MPP7: variants seen among roughly 807,000 people sequenced by gnomAD.
MPP7 encodes MAGUK p55 scaffold protein 7, also known as MAGUK p55 subfamily member 7.
Under a neutral mutation model 76.5 loss-of-function variants are expected in MPP7, and 60 were observed. The ratio of observed to expected loss-of-function variants is 0.78; its 90% CI spans 0.64 to 0.97. The LOEUF (loss-of-function observed/expected upper bound fraction) is 0.97, where lower values mean the gene tolerates loss of function less well. Among genes scored for constraint, MPP7 ranks in the 50% least tolerant of loss-of-function variants. MPP7 has a pLI of 0.00. For missense variants in MPP7, 641 were observed against 694.0 expected, an observed-to-expected ratio of 0.92 and a Z score of 0.86; for synonymous variants, 237 against 244.5, an observed-to-expected ratio of 0.97 and a Z score of 0.29.
chr10:28,116,286 T>A (rs1341774756), intron 11 of MPP7, among the ~76,000 whole-genome samples: 1 of 152,180 alleles, frequency 6.6e-6, no homozygotes, highest in Non-Finnish European at 1.5e-5. Context: ...GAATTCCTAT[T>A]TCTTTCTTAA....
chr10:28,320,351 T>C (rs188415677), intron 2 of MPP7, among the ~76,000 whole-genome samples: 1 of 152,184 alleles, frequency 6.6e-6, no homozygotes, highest in Admixed American at 6.5e-5. Flanking sequence ...ATGACCTAGA[T>C]TGTCAGGCTG....
At chr10:28,172,453 C>T (rs756305340) in intron 3 of MPP7, among the ~76,000 whole-genome samples, 22 of 152,216 alleles carry the variant, frequency 1.4e-4, no homozygotes, top group Non-Finnish European at 2.9e-4. Context: ...CCTAAACATA[C>T]ATGTATTGTA....
chr10:28,310,642 T>C (rs916873867), intron 2 of MPP7, among the ~76,000 whole-genome samples: 5 of 152,196 alleles, frequency 3.3e-5, no homozygotes, highest in Non-Finnish European at 7.4e-5. Context: ...GAAGAGCCTT[T>C]TCAAATTATA....
intron 12 of MPP7, among the ~76,000 whole-genome samples, chr10:28,076,286 T>C (rs1044551165): frequency 3.9e-5 from 6 of 152,124 alleles, no homozygotes; most frequent in Non-Finnish European, 8.8e-5. Flanking sequence ...TGAGACTGCA[T>C]TGACAGGTGA....
chr10:28,140,436 G>A lies in MPP7; in HGVS notation c.315+7047C>T, dbSNP rs1490351320. 2.0e-5 allele frequency among the ~76,000 whole-genome samples: 3 copies of A among 152,020 alleles called. 1 individual carries two copies. The highest frequency in any genetic ancestry group is 3.9e-4 in the East Asian group (2 of 5,190). On this transcript the variant is annotated intron_variant, in intron 5 of 16. Coordinates refer to ENST00000683449, the MANE Select transcript of MPP7 (RefSeq NM_001318170.2). ...TGAGGCAGGAGAATTGCTTGAACCC[G>A]AGAGGCTGAGGTTGCAGGGAGCTGA...
At chr10:28,124,971 C>T (rs199848633) in intron 7 of MPP7, 39 bp downstream of exon 7, 14 of 1,540,620 alleles carry the variant, frequency 9.1e-6, no homozygotes, top group East Asian at 2.2e-5. Context: ...ACACGAAACA[C>T]GTGATTAGTC....
At chr10:28,285,634 T>C (rs1035819458) in intron 1 of MPP7, among the ~76,000 whole-genome samples, 1 of 152,202 alleles carries the variant, frequency 6.6e-6, no homozygotes, top group Non-Finnish European at 1.5e-5. Context: ...AGGCAATGGT[T>C]ATCAATGGTC....
intron 3 of MPP7, among the ~76,000 whole-genome samples, chr10:28,172,781 T>C (rs1299402392): frequency 6.6e-6 from 1 of 152,228 alleles, no homozygotes; most frequent in Non-Finnish European, 1.5e-5. Context: ...AAGCAATAAA[T>C]TAGTCTTATT....
chr10:28,117,021 G>A (rs528192527), intron 11 of MPP7, among the ~76,000 whole-genome samples: 2 of 152,168 alleles, frequency 1.3e-5, no homozygotes, highest in East Asian at 3.9e-4. Context: ...AGATTGGGAT[G>A]TGCCCTTCCT....
chr10:28,217,875 C>T (rs1838366003), intron 2 of MPP7, among the ~76,000 whole-genome samples: 1 of 152,156 alleles, frequency 6.6e-6, no homozygotes, highest in South Asian at 2.1e-4. Flanking sequence ...ACCAGCTGGA[C>T]TACATCAAAA....
chr10:28,077,751 C>T (rs1176339115), intron 12 of MPP7, among the ~76,000 whole-genome samples: 1 of 152,172 alleles, frequency 6.6e-6, no homozygotes, highest in Non-Finnish European at 1.5e-5. Flanking sequence ...TACACGGGCA[C>T]ATATAAGTAG....
intron 1 of MPP7, among the ~76,000 whole-genome samples, chr10:28,240,362 A>T (rs992317742): frequency 1.3e-5 from 2 of 152,162 alleles, no homozygotes; most frequent in African/African-American, 4.8e-5. Context: ...AAACTGTAAG[A>T]TTCTATTAAA....
At chr10:28,176,268 T>C (rs976216651) in intron 3 of MPP7, among the ~76,000 whole-genome samples, 5 of 151,614 alleles carry the variant, frequency 3.3e-5, no homozygotes, top group African/African-American at 1.2e-4. Flanking sequence ...GCAGGAAATG[T>C]GTAAAATAAG....
chr10:28,225,844 T>C (rs780597017), intron 2 of MPP7, among the ~76,000 whole-genome samples: 1 of 152,204 alleles, frequency 6.6e-6, no homozygotes, highest in Non-Finnish European at 1.5e-5. Context: ...ATGAATATTA[T>C]ATTTTTTAAA....
In MPP7 at chr10:28,120,575, GT is replaced by G. The variant is rs764401196; in HGVS notation, c.690+18del. ...ACTTCCCTCCCACGCACGAAGAAAT[GT>G]TTTTAAGCAATAATTACCTTGCCTT... On this transcript the variant is annotated intron_variant, in intron 9 of 16. Transcript: ENST00000683449. 1 of 1,609,950 alleles carries G rather than the reference GT, an allele frequency of 6.2e-7. No individual in the cohort carries two copies. Among genetic ancestry groups the G allele is most frequent in the Non-Finnish European group, 8.5e-7 (1 of 1,176,508 alleles).
chr10:28,230,977 A>G (rs1045815419), intron 2 of MPP7, among the ~76,000 whole-genome samples: 2 of 152,218 alleles, frequency 1.3e-5, no homozygotes, highest in East Asian at 1.9e-4. Context: ...GACTTAATCA[A>G]TAAGTTTGGC....
intron 11 of MPP7, among the ~76,000 whole-genome samples, chr10:28,113,071 A>T (rs992980195): frequency 9.2e-5 from 14 of 151,742 alleles, no homozygotes; most frequent in Admixed American, 7.2e-4. Flanking sequence ...AGCCTATTTG[A>T]CTCACTCCGT....
intron 12 of MPP7, among the ~76,000 whole-genome samples, chr10:28,078,786 T>G (rs1439401504): frequency 6.6e-6 from 1 of 152,236 alleles, no homozygotes; most frequent in Non-Finnish European, 1.5e-5. Flanking sequence ...ATGCATTTAA[T>G]TAGTAACTCC....
At chr10:28,165,396 C>A (rs1284550914) in intron 3 of MPP7, among the ~76,000 whole-genome samples, 1 of 151,936 alleles carries the variant, frequency 6.6e-6, no homozygotes, top group Admixed American at 6.6e-5. Flanking sequence ...CATAGTGGTG[C>A]CCACCTATAA....
Sources: allele counts gnomAD v4.1 joint callset (sites outside exome capture counted in the v4.1 genomes callset), GRCh38; gene constraint gnomAD v4.1.1; transcripts MANE v1.5; gene names NCBI Gene and HGNC (gene_info 2026-07-23, HGNC 2026-07-21).